The following ZSCAN16 variants were observed in gnomAD, a reference collection of about 807,000 sequenced individuals.
ZSCAN16 encodes zinc finger and SCAN domain-containing protein 16.
ZSCAN16 carries 15 observed loss-of-function variants against 19.4 expected under a neutral mutation model. The observed-to-expected ratio is 0.77, with a 90% CI of 0.52 to 1.19. The LOEUF (loss-of-function observed/expected upper bound fraction) is 1.19. Among genes scored for constraint, ZSCAN16 ranks in the 50% most tolerant of loss-of-function variants. ZSCAN16 has a pLI of 0.00. For missense variants in ZSCAN16, 327 were observed against 415.7 expected, an observed-to-expected ratio of 0.79 and a Z score of 1.86; for synonymous variants, 138 against 146.5, an observed-to-expected ratio of 0.94 and a Z score of 0.42.
Position 28,129,768 on chromosome 6 carries a change from G to A in ZSCAN16, c.865G>A (p.Val289Ile). ...LIGHHRVHTG[V>I]KPYKCKECGK... ...TGGACATCATAGAGTACACACGGGAGTAAAACCCTATAAATGTAAAGAATG... is the reference window on the plus strand; with the variant it reads ...TGGACATCATAGAGTACACACGGGAATAAAACCCTATAAATGTAAAGAATG... The change falls in exon 4 of 4, where the codon GTA (valine) becomes ATA (isoleucine). Residue 289 changes from valine to isoleucine, a missense_variant. Transcript: ENST00000340487. 1 of 1,614,134 alleles carries A rather than the reference G, an allele frequency of 6.2e-7. No individual in the cohort carries two copies. The highest frequency in any genetic ancestry group is 8.5e-7 in the Non-Finnish European group (1 of 1,180,020).
Position 28,129,415 on chromosome 6 carries a change from G to A in ZSCAN16, c.527-15G>A, listed in dbSNP as rs4713140. The A allele has an allele frequency of 0.13, 211,976 of 1,586,394 alleles. 15,271 individuals are homozygous for A. The highest frequency in any genetic ancestry group is 0.15 in the Admixed American group (8,457 of 56,466). Reference sequence around the variant, plus strand: ...ATAGAATAGGACCCGTTTGTGTACTGTTTGTTTGTTACAGGTGATAAAACT... The same window carrying A: ...ATAGAATAGGACCCGTTTGTGTACTATTTGTTTGTTACAGGTGATAAAACT... On this transcript the variant is annotated splice_polypyrimidine_tract_variant and intron_variant, in intron 3 of 3. Transcript: ENST00000340487.
chr6:28,125,440 C>G lies in ZSCAN16; in HGVS notation c.-4C>G. ...AGAGGATAAATCTCCTGGCAAAGCC[C>G]AGAATGACCACAGCCCTGGAACCTG... On this transcript the variant is annotated 5_prime_UTR_variant, in exon 2 of 4. Coordinates refer to ENST00000340487, the MANE Select transcript of ZSCAN16 (RefSeq NM_025231.3). The surrounding 1 kb of genome is among the most constrained non-coding windows in gnomAD (Gnocchi z 6.2). The G allele has an allele frequency of 1.2e-6, 2 of 1,607,916 alleles. No homozygotes were observed. Among genetic ancestry groups the G allele is most frequent in the Non-Finnish European group, 1.7e-6 (2 of 1,177,304 alleles).
At position 28,125,957 on chromosome 6, in the gene ZSCAN16, C is replaced by A; in HGVS notation, c.387+127C>A. 1 of 703,630 alleles carries A rather than the reference C, an allele frequency of 1.4e-6. No individual in the cohort carries two copies. The highest frequency in any genetic ancestry group is 2.3e-6 in the Non-Finnish European group (1 of 432,574). The allele number at this position is 703,630 out of a possible 1,614,324, so 43.6% of individuals were successfully genotyped here. The stretch of plus-strand genomic sequence containing the variant: ...GAACAAGGCATAGGAAGGGACCTGA[C>A]TACCTATGTCAAATAATTAAAGTGT... On this transcript the variant is annotated intron_variant, in intron 2 of 3. Transcript: ENST00000340487. The surrounding 1 kb of genome is among the most constrained non-coding windows in gnomAD (Gnocchi z 6.2).
Position 28,125,343 on chromosome 6 carries a change from A to G in ZSCAN16, c.-31-70A>G, listed in dbSNP as rs186815426. ...GAAATTTTTGTAATTTCTCTATGGT[A>G]ACAACTTTTTATGCCTTAGGAGTGT... On this transcript the variant is annotated intron_variant, in intron 1 of 3. Coordinates refer to ENST00000340487, the MANE Select transcript of ZSCAN16 (RefSeq NM_025231.3). This position sits in a 1 kb window ranked among gnomAD's most constrained non-coding sequence, Gnocchi z 6.2. 1.3e-3 allele frequency: 1,907 copies of G among 1,500,576 alleles called. 11 individuals carry two copies. In the African/African-American group the frequency reaches 0.014, roughly 11 times the overall value. 93.0% of individuals were successfully genotyped at this position (1,500,576 alleles called of 1,614,324 possible). A position where few individuals can be genotyped will look rare whatever the true frequency, so the allele number is the denominator to read the frequency against.
Position 28,125,698 on chromosome 6 carries a change from G to A in ZSCAN16, c.255G>A (p.Val85=), listed in dbSNP as rs1446185861. ...AGGAGCAGATTTTAGACCTGCTGGT[G>A]CTAGAACAGTTCCTGAGCATTCTTC... The part of the protein sequence containing the change: ...HTKEQILDLL[V]LEQFLSILPK... Residue 85 remains valine, a synonymous_variant, in exon 2 of 4, where the codon GTG becomes GTA. Transcript: ENST00000340487. This position sits in a 1 kb window ranked among gnomAD's most constrained non-coding sequence, Gnocchi z 6.2. 2 of 1,614,106 alleles carry A rather than the reference G, an allele frequency of 1.2e-6. No homozygotes were observed. Among genetic ancestry groups the A allele is most frequent in the Non-Finnish European group, 1.7e-6 (2 of 1,180,050 alleles).
chr6:28,128,177 A>G (rs561857206), intron 3 of ZSCAN16, among the ~76,000 whole-genome samples: 161 of 152,060 alleles, frequency 1.1e-3, no homozygotes, highest in Middle Eastern at 3.4e-3. Context: ...GAGAGGTCTC[A>G]CTATGTTTCC....
chr6:28,125,102 C>G lies in ZSCAN16; in HGVS notation c.-31-311C>G, dbSNP rs866893041. Among the ~76,000 whole-genome samples the G allele has an allele frequency of 1.3e-5, 2 of 152,172 alleles. No homozygotes were observed. The highest frequency in any genetic ancestry group is 2.4e-5 in the African/African-American group (1 of 41,430). On this transcript the variant is annotated intron_variant, in intron 1 of 3. Transcript: ENST00000340487. The surrounding 1 kb of genome is among the most constrained non-coding windows in gnomAD (Gnocchi z 6.2). Reference sequence around the variant, plus strand: ...TTCTCATGTAATCTGTATATCAACCCTGTAACACACATGAGAATTGTACCT... The same window carrying G: ...TTCTCATGTAATCTGTATATCAACCGTGTAACACACATGAGAATTGTACCT...
In ZSCAN16 at chr6:28,125,855, G is replaced by GTGAT; in HGVS notation, c.387+28_387+29insTTGA. On this transcript the variant is annotated intron_variant, in intron 2 of 3. Transcript: ENST00000340487. The surrounding 1 kb of genome is among the most constrained non-coding windows in gnomAD (Gnocchi z 6.2). ...GGTGTGAAGGGGCAGTCATCTGGCT[G>GTGAT]TGAGTGATCAGGGGATATGGATGGA... 6.5e-7 allele frequency: 1 copy of GTGAT among 1,547,864 alleles called. No individual in the cohort carries two copies. The highest frequency in any genetic ancestry group is 1.2e-5 in the South Asian group (1 of 85,136).
At chr6:28,128,969 C>T (rs756728653) in intron 3 of ZSCAN16, among the ~76,000 whole-genome samples, 1 of 152,046 alleles carries the variant, frequency 6.6e-6, no homozygotes, top group African/African-American at 2.4e-5. Flanking sequence ...ACCCCAAATC[C>T]TATTATCCTC....
intron 2 of ZSCAN16, 23 bp from the exon 3 acceptor site, chr6:28,126,760 C>A: frequency 7.1e-7 from 1 of 1,408,132 alleles, no homozygotes; most frequent in Non-Finnish European, 9.4e-7. Flanking sequence ...TAAAATTCAC[C>A]TTACACACCT....
rs1765001414 is a variant in ZSCAN16 at position 28,129,656 on chromosome 6, T to C, written c.753T>C (p.Leu251=). The C allele has an allele frequency of 6.2e-7, 1 of 1,614,040 alleles. No individual in the cohort carries two copies. The highest frequency in any genetic ancestry group is 1.7e-5 in the Admixed American group (1 of 59,996). ...AAAGTTTCAGTCATAGCTCAGACCT[T>C]AGTAAACACAGGAGAACTCACACGG... The part of the protein sequence containing the change: ...CGKSFSHSSD[L]SKHRRTHTGE... Residue 251 remains leucine (L), a synonymous_variant, in exon 4 of 4, where the codon CTT becomes CTC. Transcript: ENST00000340487.
At chr6:28,128,208 G>A (rs1451030287) in intron 3 of ZSCAN16, among the ~76,000 whole-genome samples, 1 of 151,814 alleles carries the variant, frequency 6.6e-6, no homozygotes, top group Non-Finnish European at 1.5e-5. Flanking sequence ...TCAAACTCCT[G>A]GGCTCAAGTG....
rs1437850354 is a variant in ZSCAN16, at chr6:28,129,937, A to G, written c.1034A>G (p.Asn345Ser). ...LIRHQRIHTA[N>S]KLY ...AGACATCAAAGAATTCATACCGCAA[A>G]TAAACTCTACTAATATAGCAGTAAT... Residue 345 changes from asparagine (N) to serine (S), a missense_variant, in exon 4 of 4, where the codon AAT becomes AGT. Asn to Ser is a conservative substitution (Grantham distance 46). Transcript: ENST00000340487. 2 of 1,588,232 alleles carry G rather than the reference A, an allele frequency of 1.3e-6. No homozygotes were observed. The highest frequency in any genetic ancestry group is 3.6e-5 in the Admixed American group (2 of 55,258).
Position 28,125,767 on chromosome 6 carries a change from T to C in ZSCAN16, c.324T>C (p.Thr108=). The C allele has an allele frequency of 2.5e-6, 4 of 1,613,966 alleles. No individual in the cohort carries two copies. Among genetic ancestry groups the C allele is most frequent in the Non-Finnish European group, 3.4e-6 (4 of 1,179,952 alleles). Residue 108 remains threonine, a synonymous_variant, in exon 2 of 4, where the codon ACT becomes ACC. Transcript: ENST00000340487. This position sits in a 1 kb window ranked among gnomAD's most constrained non-coding sequence, Gnocchi z 6.2. ...GGGTGCGTGCACACCATCCAGAGAC[T>C]GGAGAGGAGGCAGTGACGGTACTGG... ...QAWVRAHHPE[T]GEEAVTVLED...
chr6:28,125,384 C>T lies in ZSCAN16; in HGVS notation c.-31-29C>T, dbSNP rs1458258428. ...TTAGGAGTGTCTCTGAGGCAGGATT[C>T]TAAGAGATTCTCTTTGACTCAATCC... On this transcript the variant is annotated intron_variant, in intron 1 of 3. Coordinates refer to ENST00000340487, the MANE Select transcript of ZSCAN16 (RefSeq NM_025231.3). The surrounding 1 kb of genome is among the most constrained non-coding windows in gnomAD (Gnocchi z 6.2). The T allele has an allele frequency of 6.4e-7, 1 of 1,550,944 alleles. No individual in the cohort carries two copies. The highest frequency in any genetic ancestry group is 1.4e-5 in the African/African-American group (1 of 72,676).
At chr6:28,126,010 G>A (rs1313230327) in intron 2 of ZSCAN16, among the ~76,000 whole-genome samples, 180 bp downstream of exon 2, 1 of 152,174 alleles carries the variant, frequency 6.6e-6, no homozygotes, top group African/African-American at 2.4e-5. Context: ...AGAGTCACTA[G>A]ACTGATTCTA....
Position 28,125,807 on chromosome 6 carries a change from G to A in ZSCAN16, c.364G>A (p.Glu122Lys), listed in dbSNP as rs372528104. The part of the protein sequence containing the change: ...AVTVLEDLER[E>K]LDEPGKQVPG... The stretch of plus-strand genomic sequence containing the variant: ...GACGGTACTGGAGGATCTGGAGAGA[G>A]AGCTTGATGAACCTGGAAAGCAGGT... The change falls in exon 2 of 4, where the codon GAG (glutamate) becomes AAG (lysine). Residue 122 changes from glutamate (E) to lysine (K), a missense_variant. Glu to Lys is a moderately conservative substitution (Grantham distance 56). Transcript: ENST00000340487. This position sits in a 1 kb window ranked among gnomAD's most constrained non-coding sequence, Gnocchi z 6.2. 2.5e-6 allele frequency: 4 copies of A among 1,608,904 alleles called. No individual in the cohort carries two copies. In the African/African-American group the frequency reaches 5.3e-5, roughly 22 times the overall value.
In ZSCAN16 at chr6:28,129,498, C is replaced by A; in HGVS notation, c.595C>A (p.Leu199Ile). 6.2e-7 allele frequency: 1 copy of A among 1,614,008 alleles called. No homozygotes were observed. Among genetic ancestry groups the A allele is most frequent in the Non-Finnish European group, 8.5e-7 (1 of 1,179,976 alleles). ...AGATATGCCCAAAGACAAGGAATTC[C>A]TTGGGGAGATAAATGACAGACTGAA... ...KEDMPKDKEF[L>I]GEINDRLNKD... The change falls in exon 4 of 4, where the codon CTT becomes ATT. Residue 199 changes from leucine (L) to isoleucine (I), a missense_variant. Transcript: ENST00000340487.
chr6:28,126,815 C>T lies in ZSCAN16; in HGVS notation c.420C>T (p.Leu140=). 6.3e-7 allele frequency: 1 copy of T among 1,577,062 alleles called. No homozygotes were observed. The highest frequency in any genetic ancestry group is 8.7e-7 in the Non-Finnish European group (1 of 1,155,982). ...VPGNSERRDI[L]MDKLAPLGRP... is the part of the protein sequence containing the mutation. ...GCAATTCAGAAAGACGGGACATACT[C>T]ATGGACAAGTTGGCCCCCTTGGGAA... is the stretch of plus-strand genomic sequence containing the variant. The change falls in exon 3 of 4, where the codon CTC becomes CTT. Residue 140 remains leucine (L), a synonymous_variant. Transcript: ENST00000340487.
Sources: allele counts gnomAD v4.1 joint callset (sites outside exome capture counted in the v4.1 genomes callset), GRCh38; gene constraint gnomAD v4.1.1; non-coding constraint Gnocchi (gnomAD v3.1); transcripts MANE v1.5; gene names NCBI Gene and HGNC (gene_info 2026-07-23, HGNC 2026-07-21).